Variants in VPS45 observed in about 807,000 individuals in gnomAD.
VPS45 encodes the protein vacuolar protein sorting-associated protein 45.
In VPS45, 35 loss-of-function variants were observed where a neutral mutation model predicts 75.9. The observed-to-expected ratio is 0.46, with a 90% CI of 0.35 to 0.61. VPS45 has a LOEUF of 0.61. Ranked by LOEUF, VPS45 falls within the 20% of genes least tolerant of loss-of-function variation. The pLI, the probability that VPS45 is intolerant of heterozygous loss-of-function variation, is 0.00. For missense variants in VPS45, 559 were observed against 685.9 expected (o/e 0.81, Z 2.07); for synonymous variants, 220 against 238.2 (o/e 0.92, Z 0.70).
intron 14 of VPS45, among the ~76,000 whole-genome samples, chr1:150,128,562 A>G (rs1658641906): frequency 6.6e-6 from 1 of 152,208 alleles, no homozygotes; most frequent in Non-Finnish European, 1.5e-5. Context: ...AACAAGTAAC[A>G]CTAGAAACTT....
intron 14 of VPS45, among the ~76,000 whole-genome samples, chr1:150,126,279 C>T (rs1260262449): frequency 9.2e-5 from 14 of 151,974 alleles, no homozygotes; most frequent in African/African-American, 3.4e-4. Flanking sequence ...GGTGCCATCT[C>T]GGCTCACTGC....
At chr1:150,099,199 T>C in intron 13 of VPS45, 1 of 444,692 alleles carries the variant, frequency 2.2e-6, no homozygotes, top group Non-Finnish European at 3.0e-6. Context: ...AGAAATAATG[T>C]TAAAAATTCT....
chr1:150,074,875 T>A (rs587714003), intron 3 of VPS45, among the ~76,000 whole-genome samples: 49 of 151,070 alleles, frequency 3.2e-4, no homozygotes, highest in African/African-American at 1.1e-3. Flanking sequence ...TAGGCATCTC[T>A]AAAAGATAAG....
In VPS45 at chr1:150,099,509, T is replaced by TAA. The variant is rs1220956502; in HGVS notation, c.1493+5871_1493+5872dup. 3.6e-3 allele frequency among the ~76,000 whole-genome samples: 525 copies of TAA among 144,600 alleles called. 4 individuals carry two copies. The highest frequency in any genetic ancestry group is 0.01 in the Middle Eastern group (3 of 286). The allele number at this position is 144,600 out of a possible 152,430, so 94.9% of individuals were successfully genotyped here. On this transcript the variant is annotated intron_variant, in intron 13 of 14. Coordinates refer to ENST00000644510, the MANE Select transcript of VPS45 (RefSeq NM_007259.5). ...TCTGGGCGACAGAGTGAGACTCCAT[T>TAA]AAAAAAAAAAACACCTCTCAACAAA...
At chr1:150,117,680 G>A (rs1356017365) in intron 14 of VPS45, among the ~76,000 whole-genome samples, 2 of 151,934 alleles carry the variant, frequency 1.3e-5, no homozygotes, top group African/African-American at 4.8e-5. Context: ...GCAATGTGGC[G>A]AAACTCCATC....
At chr1:150,077,847 G>A (rs1655483143) in intron 7 of VPS45, 68 bp downstream of exon 7, 1 of 1,290,476 alleles carries the variant, frequency 7.7e-7, no homozygotes, top group African/African-American at 1.5e-5. Context: ...TACAGATAGG[G>A]AAGTAAAAAC....
rs587606064 is a variant in VPS45 at position 150,144,515 on chromosome 1, CAGA to C, written c.1626-191_1626-189del. Among the ~76,000 whole-genome samples the C allele has an allele frequency of 1.8e-3, 267 of 152,048 alleles. 1 individual carries two copies. The highest frequency in any genetic ancestry group is 2.6e-3 in the Non-Finnish European group (174 of 68,008). On this transcript the variant is annotated intron_variant, in intron 14 of 14. Transcript: ENST00000644510. Reference sequence around the variant, plus strand: ...AAAATGAAGACCCTGGGGAAGAGCACAGAAGGACTGTCCTTGCAGTATGGATGT... The same window carrying C: ...AAAATGAAGACCCTGGGGAAGAGCACAGGACTGTCCTTGCAGTATGGATGT...
chr1:150,109,015 G>A (rs587594655), intron 13 of VPS45, among the ~76,000 whole-genome samples: 2 of 152,042 alleles, frequency 1.3e-5, no homozygotes, highest in African/African-American at 4.8e-5. Context: ...GTTTTTAGGG[G>A]GAAGGTTTTT....
At chr1:150,083,586 A>G (rs927606422) in intron 10 of VPS45, among the ~76,000 whole-genome samples, 8 of 151,524 alleles carry the variant, frequency 5.3e-5, no homozygotes, top group African/African-American at 1.9e-4. Flanking sequence ...AATAACATCA[A>G]ACAGGGAAAA....
intron 10 of VPS45, among the ~76,000 whole-genome samples, chr1:150,091,030 GA>G (rs782591706): frequency 6.6e-6 from 1 of 152,128 alleles, no homozygotes; most frequent in Non-Finnish European, 1.5e-5. Context: ...ATCCATTCTG[GA>G]AAAATTACAT....
chr1:150,085,772 A>C (rs1170296353), intron 10 of VPS45, among the ~76,000 whole-genome samples: 1 of 152,136 alleles, frequency 6.6e-6, no homozygotes, highest in Non-Finnish European at 1.5e-5. Context: ...TTAACTTAAA[A>C]ATTGCTGCCA....
chr1:150,081,270 ATTTGT>A lies in VPS45; in HGVS notation c.688-68_688-64del, dbSNP rs782271959. The A allele has an allele frequency of 9.9e-5, 141 of 1,430,992 alleles. 1 individual carries two copies. The highest frequency in any genetic ancestry group is 1.4e-5 in the Non-Finnish European group (15 of 1,066,026). The allele number at this position is 1,430,992 out of a possible 1,614,324, so 88.6% of individuals were successfully genotyped here. A position where few individuals can be genotyped will look rare whatever the true frequency, so the allele number is the denominator to read the frequency against. On this transcript the variant is annotated intron_variant, in intron 7 of 14. Transcript: ENST00000644510. ...TAGTTAAAGAATGTTATCAGTTTTT[ATTTGT>A]TTTCCTGAACGTTTACTATTTCCAT...
chr1:150,076,594 ATC>A lies in VPS45; in HGVS notation c.369+284_369+285del, dbSNP rs1234461533. The stretch of plus-strand genomic sequence containing the variant: ...ACATTGGACAGCAAAGTTCTTTTTT[ATC>A]TGAGTAGAACATTGTATCTCCTATT... On this transcript the variant is annotated intron_variant, in intron 4 of 14. Transcript: ENST00000644510. The A allele has an allele frequency of 2.0e-4, 97 of 474,038 alleles. 2 individuals are homozygous for A. The South Asian group carries it at 2.9e-3, about 14-fold the overall frequency. The allele number at this position is 474,038 out of a possible 1,614,324, so 29.4% of individuals were successfully genotyped here.
intron 14 of VPS45, among the ~76,000 whole-genome samples, chr1:150,116,146 G>C (rs1028225007): frequency 1.8e-4 from 27 of 152,144 alleles, no homozygotes; most frequent in African/African-American, 6.5e-4. Context: ...CTTGGGAGTG[G>C]ATAAAATGGT....
chr1:150,077,839 C>A, intron 7 of VPS45, 60 bp downstream of exon 7: 1 of 1,336,912 alleles, frequency 7.5e-7, no homozygotes. Context: ...CATCAAAATA[C>A]AGATAGGGAA....
intron 13 of VPS45, among the ~76,000 whole-genome samples, chr1:150,095,398 G>A (rs890177432): frequency 1.3e-5 from 2 of 152,154 alleles, no homozygotes; most frequent in Non-Finnish European, 2.9e-5. Context: ...AGGATCACCT[G>A]AGGTCAGTAG....
chr1:150,070,744 G>A (rs1655015289), intron 2 of VPS45, among the ~76,000 whole-genome samples: 1 of 151,954 alleles, frequency 6.6e-6, no homozygotes, highest in Non-Finnish European at 1.5e-5. Context: ...GGGAGTCAGA[G>A]GTTGCAGTAA....
At chr1:150,112,114 G>A (rs1657680573) in intron 14 of VPS45, among the ~76,000 whole-genome samples, 1 of 151,860 alleles carries the variant, frequency 6.6e-6, no homozygotes, top group Non-Finnish European at 1.5e-5. Context: ...TGAATTGCTA[G>A]TTCATATTCT....
At chr1:150,093,793 G>C (rs781830469) in intron 13 of VPS45, 145 bp downstream of exon 13, 2 of 1,021,022 alleles carry the variant, frequency 2.0e-6, no homozygotes, top group East Asian at 5.2e-5. Flanking sequence ...ACATATGTCA[G>C]CATTAGATAT....
Sources: allele counts gnomAD v4.1 joint callset (sites outside exome capture counted in the v4.1 genomes callset), GRCh38; gene constraint gnomAD v4.1.1; transcripts MANE v1.5; gene names NCBI Gene and HGNC (gene_info 2026-07-23, HGNC 2026-07-21).